Variants in INPP5F observed in about 807,000 individuals in gnomAD.
INPP5F encodes inositol polyphosphate-5-phosphatase F, also known as phosphatidylinositide 4-phosphatase SAC2.
INPP5F carries 97 observed loss-of-function variants against 137.2 expected under a neutral mutation model. The ratio of observed to expected loss-of-function variants is 0.71; its 90% CI spans 0.60 to 0.84. The LOEUF (loss-of-function observed/expected upper bound fraction) is 0.84. INPP5F is among the 40% of genes least tolerant of loss of function. The probability of loss-of-function intolerance (pLI) is 0.00; values close to 1 mark genes in which losing one functional copy is unlikely to be tolerated. For missense variants in INPP5F, 1,271 were observed against 1,371.9 expected (o/e 0.93, Z 1.16); for synonymous variants, 504 against 476.9 (o/e 1.06, Z -0.74).
Position 119,760,247 on chromosome 10 carries a change from G to A in INPP5F, c.178+9091G>A, listed in dbSNP as rs76765018. On this transcript the variant is annotated intron_variant, in intron 2 of 19. Transcript: ENST00000650623. The stretch of plus-strand genomic sequence containing the variant: ...GTTTTCTTCAGTGATTTCAGTAGCA[G>A]CCATATTAAAGGTTTGTTTTCTAGC... Among the ~76,000 whole-genome samples, 644 of 152,240 alleles carry A rather than the reference G, an allele frequency of 4.2e-3. 4 individuals carry two copies. Among genetic ancestry groups the A allele is most frequent in the African/African-American group, 0.015 (605 of 41,546 alleles).
At chr10:119,811,626 C>T in intron 14 of INPP5F, 131 bp from the exon 15 acceptor site, 1 of 689,972 alleles carries the variant, frequency 1.4e-6, no homozygotes, top group South Asian at 2.1e-5. Context: ...ATGCCTAATC[C>T]AAGGTTACAA....
chr10:119,818,081 C>T (rs1452185262), intron 15 of INPP5F, among the ~76,000 whole-genome samples: 1 of 152,240 alleles, frequency 6.6e-6, no homozygotes, highest in African/African-American at 2.4e-5. Flanking sequence ...AACTGTCCAG[C>T]ACGCCCGTGC....
intron 2 of INPP5F, among the ~76,000 whole-genome samples, chr10:119,758,198 A>G (rs1184639906): frequency 2.0e-5 from 3 of 152,246 alleles, no homozygotes; most frequent in African/African-American, 4.8e-5. Context: ...TGTGGTGTGT[A>G]TGACAGAAGA....
intron 2 of INPP5F, among the ~76,000 whole-genome samples, chr10:119,757,897 A>G (rs1848898127): frequency 6.6e-6 from 1 of 152,144 alleles, no homozygotes; most frequent in Non-Finnish European, 1.5e-5. Context: ...CCAAGAAGAC[A>G]GCAACTGGGG....
chr10:119,819,619 C>G (rs919729480), intron 15 of INPP5F: 27 of 1,148,890 alleles, frequency 2.4e-5, no homozygotes. Flanking sequence ...GATCGGTCTC[C>G]TTTTCCCATT....
At chr10:119,812,111 C>CA (rs1851061655) in intron 15 of INPP5F, among the ~76,000 whole-genome samples, 156 bp downstream of exon 15, 1 of 152,242 alleles carries the variant, frequency 6.6e-6, no homozygotes, top group South Asian at 2.1e-4. Flanking sequence ...CTGACTGAGG[C>CA]ACTTGCCTTG....
intron 1 of INPP5F, among the ~76,000 whole-genome samples, chr10:119,749,995 C>T (rs950728988): frequency 2.6e-5 from 4 of 152,086 alleles, no homozygotes; most frequent in African/African-American, 4.8e-5. Flanking sequence ...TCTCGAACTC[C>T]TGACCTCAGG....
chr10:119,742,101 G>A (rs927084980), intron 1 of INPP5F, among the ~76,000 whole-genome samples: 7 of 152,044 alleles, frequency 4.6e-5, no homozygotes, highest in Non-Finnish European at 1.0e-4. Context: ...GGGTTTACAG[G>A]CATAGAGCCA....
chr10:119,826,482 T>C, intron 19 of INPP5F, 149 bp from the exon 20 acceptor site: 1 of 644,730 alleles, frequency 1.6e-6, no homozygotes, highest in East Asian at 2.6e-5. Flanking sequence ...TGTTTTAATG[T>C]CAACTCTGAG....
chr10:119,769,733 C>G (rs956416517), intron 2 of INPP5F, among the ~76,000 whole-genome samples: 3 of 152,146 alleles, frequency 2.0e-5, no homozygotes, highest in Non-Finnish European at 2.9e-5. Flanking sequence ...CAGATTGGGG[C>G]TTAAACCATC....
intron 2 of INPP5F, among the ~76,000 whole-genome samples, chr10:119,755,901 T>A (rs1426282448): frequency 6.6e-6 from 1 of 152,220 alleles, no homozygotes; most frequent in Non-Finnish European, 1.5e-5. Context: ...CTCACGCCTG[T>A]AATCCTAGCA....
At chr10:119,774,195 G>A (rs1849447330) in intron 2 of INPP5F, among the ~76,000 whole-genome samples, 1 of 141,056 alleles carries the variant, frequency 7.1e-6, no homozygotes, top group African/African-American at 2.7e-5. Flanking sequence ...CCGGGAGGCA[G>A]AAGTTGCAGT....
intron 2 of INPP5F, among the ~76,000 whole-genome samples, chr10:119,757,723 G>A (rs1302586927): frequency 2.0e-5 from 3 of 152,054 alleles, no homozygotes; most frequent in Non-Finnish European, 4.4e-5. Flanking sequence ...CCCGGGAGGT[G>A]GATGCTGCAG....
chr10:119,790,054 G>A (rs1163146602), intron 3 of INPP5F, among the ~76,000 whole-genome samples: 1 of 150,866 alleles, frequency 6.6e-6, no homozygotes, highest in Non-Finnish European at 1.5e-5. Context: ...AAATCGGGGG[G>A]TGGGGTGGGG....
At position 119,827,777 on chromosome 10, in the gene INPP5F, T is replaced by G. The variant is rs773824847; in HGVS notation, c.3396T>G (p.Ile1132Met). ...AATGCCAGACACGGATAATTCAGAT[T>G]TAGCTTTTAGCCATAAGAATCCTTC... is the stretch of plus-strand genomic sequence containing the variant. ...FIQCQTRIIQ[I>M] Residue 1132 changes from isoleucine (I) to methionine (M), a missense_variant, in exon 20 of 20, where the codon ATT becomes ATG. Physicochemically the swap from Ile to Met is conservative, Grantham distance 10. Coordinates refer to ENST00000650623, the MANE Select transcript of INPP5F (RefSeq NM_014937.4). 1.9e-6 allele frequency: 3 copies of G among 1,588,964 alleles called. No individual in the cohort carries two copies. The highest frequency in any genetic ancestry group is 2.3e-5 in the South Asian group (2 of 87,290).
intron 2 of INPP5F, among the ~76,000 whole-genome samples, chr10:119,770,938 A>T (rs545112442): frequency 2.6e-5 from 4 of 152,332 alleles, no homozygotes; most frequent in African/African-American, 9.6e-5. Flanking sequence ...AATAAATAAA[A>T]AACTTGAGAT....
chr10:119,806,978 TGTG>T (rs1226375452), intron 12 of INPP5F, among the ~76,000 whole-genome samples: 6 of 151,792 alleles, frequency 4.0e-5, no homozygotes, highest in Admixed American at 6.6e-5. Flanking sequence ...CAAGCAGAAA[TGTG>T]GTGTGTAGGC....
chr10:119,778,777 CAGTT>C (rs1032894007), intron 2 of INPP5F, among the ~76,000 whole-genome samples: 8 of 152,058 alleles, frequency 5.3e-5, no homozygotes, highest in African/African-American at 9.7e-5. Context: ...GAAGTTAGTT[CAGTT>C]AGTTTTTTCT....
rs1195385271 is a variant in INPP5F, at chr10:119,748,934, C to T, written c.98-2142C>T. 6.6e-6 allele frequency among the ~76,000 whole-genome samples: 1 copy of T among 152,194 alleles called. No homozygotes were observed. ...CCCAGGCTGTTTGGGCTGAGGGGTG[C>T]CTGCAGGCCCACTTGGAGCTGCCCT... On this transcript the variant is annotated intron_variant, in intron 1 of 19. Coordinates refer to ENST00000650623, the MANE Select transcript of INPP5F (RefSeq NM_014937.4). The surrounding 1 kb of genome is among the most constrained non-coding windows in gnomAD (Gnocchi z 4.7).
Sources: allele counts gnomAD v4.1 joint callset (sites outside exome capture counted in the v4.1 genomes callset), GRCh38; gene constraint gnomAD v4.1.1; non-coding constraint Gnocchi (gnomAD v3.1); transcripts MANE v1.5; gene names NCBI Gene and HGNC (gene_info 2026-07-23, HGNC 2026-07-21).